UXS1: variants seen among roughly 807,000 people sequenced by gnomAD.
The protein encoded by UXS1 is UDP-glucuronic acid decarboxylase 1.
UXS1 carries 33 observed loss-of-function variants against 62.6 expected under a neutral mutation model. The ratio of observed to expected loss-of-function variants is 0.53; its 90% confidence interval spans 0.40 to 0.70. The LOEUF (loss-of-function observed/expected upper bound fraction) is 0.70. Among genes scored for constraint, UXS1 ranks in the 30% least tolerant of loss-of-function variants. The pLI is 0.00. For missense variants in UXS1, 434 were observed against 556.3 expected (o/e 0.78, Z 2.21); for synonymous variants, 213 against 206.8 (o/e 1.03, Z -0.26).
chr2:106,194,196 T>G lies in UXS1; in HGVS notation c.46A>C (p.Arg16=). The G allele has an allele frequency of 6.8e-7, 1 of 1,469,408 alleles. No individual in the cohort carries two copies. Among genetic ancestry groups the G allele is most frequent in the African/African-American group, 1.5e-5 (1 of 67,768 alleles). 91.0% of individuals were successfully genotyped at this position (1,469,408 alleles called of 1,614,324 possible). The change falls in exon 1 of 15, where the codon AGG becomes CGG. Residue 16 remains arginine, a synonymous_variant. Transcript: ENST00000283148. ...ATGCCCAGCAGCAGCTTCATCCTCC[T>G]GCGGTTGACGGCAGACACGAGGCGC... ...LLRLVSAVNR[R]RMKLLLGIAL...
intron 10 of UXS1, among the ~76,000 whole-genome samples, chr2:106,107,989 C>T (rs556429937): frequency 6.6e-6 from 1 of 152,222 alleles, no homozygotes; most frequent in African/African-American, 2.4e-5. Context: ...AGGCGTGGAT[C>T]CCGTGGGACG....
intron 5 of UXS1, among the ~76,000 whole-genome samples, chr2:106,150,754 G>C (rs1319664953): frequency 6.6e-6 from 1 of 152,190 alleles, no homozygotes; most frequent in Non-Finnish European, 1.5e-5. Flanking sequence ...CTGCCACAAA[G>C]ACTCCGGAAC....
intron 1 of UXS1, among the ~76,000 whole-genome samples, chr2:106,178,056 G>A (rs916226877): frequency 2.6e-5 from 4 of 152,178 alleles, no homozygotes; most frequent in East Asian, 1.9e-4. Context: ...CATCGCAGGC[G>A]CTACTAAATT....
chr2:106,156,167 T>C (rs920492963), intron 5 of UXS1, among the ~76,000 whole-genome samples: 1 of 152,064 alleles, frequency 6.6e-6, no homozygotes, highest in Non-Finnish European at 1.5e-5. Context: ...GAATTAAGAA[T>C]ATATAAAGAA....
intron 9 of UXS1, among the ~76,000 whole-genome samples, chr2:106,113,869 C>G (rs993027760): frequency 6.6e-6 from 1 of 152,216 alleles, no homozygotes; most frequent in Non-Finnish European, 1.5e-5. Flanking sequence ...CTCACCTGAC[C>G]GCCTCAGTGT....
At chr2:106,175,257 T>G (rs1257866317) in intron 1 of UXS1, among the ~76,000 whole-genome samples, 1 of 148,844 alleles carries the variant, frequency 6.7e-6, no homozygotes, top group Non-Finnish European at 1.5e-5. Context: ...AGTTCCAGAA[T>G]GCTGCTGCTG....
rs1470176342 is a variant in UXS1 at position 106,093,917 on chromosome 2, G to A, written c.*109C>T. On this transcript the variant is annotated 3_prime_UTR_variant, in exon 15 of 15. Transcript: ENST00000283148. Reference sequence around the variant, plus strand: ...AAGCTTCAGAATGAAATTCCAGTTTGTTCTTCATGACACCTGTTAAAGTCT... The same window carrying A: ...AAGCTTCAGAATGAAATTCCAGTTTATTCTTCATGACACCTGTTAAAGTCT... The A allele has an allele frequency of 7.3e-7, 1 of 1,371,070 alleles. No homozygotes were observed. The highest frequency in any genetic ancestry group is 9.6e-7 in the Non-Finnish European group (1 of 1,042,444). 84.9% of individuals were successfully genotyped at this position (1,371,070 alleles called of 1,614,324 possible). A position where few individuals can be genotyped will look rare whatever the true frequency, so the allele number is the denominator to read the frequency against.
chr2:106,168,567 C>A (rs565830729), intron 1 of UXS1, among the ~76,000 whole-genome samples: 1 of 152,158 alleles, frequency 6.6e-6, no homozygotes, highest in Non-Finnish European at 1.5e-5. Context: ...GGGTCCGGAT[C>A]GGGACCCCTT....
chr2:106,150,433 G>T (rs564660252), intron 5 of UXS1, among the ~76,000 whole-genome samples: 3 of 152,212 alleles, frequency 2.0e-5, no homozygotes, highest in Non-Finnish European at 4.4e-5. Flanking sequence ...TGAGGCCAAC[G>T]TTTCCAGAGA....
chr2:106,184,127 A>T (rs1273199844), intron 1 of UXS1, among the ~76,000 whole-genome samples: 1 of 152,152 alleles, frequency 6.6e-6, no homozygotes, highest in Non-Finnish European at 1.5e-5. Context: ...GGGAGGCAGA[A>T]GTCACAGTGA....
At chr2:106,164,518 A>G (rs753118965) in intron 3 of UXS1, among the ~76,000 whole-genome samples, 4 of 152,156 alleles carry the variant, frequency 2.6e-5, no homozygotes, top group African/African-American at 4.8e-5. Context: ...GTCTAAATCC[A>G]TTTTGCCTTT....
At chr2:106,174,099 G>A (rs1156926928) in intron 1 of UXS1, among the ~76,000 whole-genome samples, 1 of 151,044 alleles carries the variant, frequency 6.6e-6, no homozygotes, top group South Asian at 2.1e-4. Context: ...TGGGGGGGGC[G>A]GGGGCGGGAT....
intron 10 of UXS1, among the ~76,000 whole-genome samples, chr2:106,111,585 G>C (rs1678613856): frequency 6.6e-6 from 1 of 152,162 alleles, no homozygotes; most frequent in Non-Finnish European, 1.5e-5. Context: ...GGCTACCACT[G>C]TGTGGCCACC....
intron 9 of UXS1, among the ~76,000 whole-genome samples, chr2:106,116,892 C>T (rs911880706): frequency 1.3e-5 from 2 of 152,158 alleles, no homozygotes; most frequent in Non-Finnish European, 2.9e-5. Flanking sequence ...CTGACCTTGC[C>T]CTGCTCACGA....
intron 14 of UXS1, 45 bp downstream of exon 14, chr2:106,096,673 C>G: frequency 6.7e-7 from 1 of 1,500,244 alleles, no homozygotes; most frequent in Non-Finnish European, 9.0e-7. Context: ...ACACAGGACA[C>G]GGGAGGCCCC....
chr2:106,162,777 G>A (rs910231626), intron 4 of UXS1, among the ~76,000 whole-genome samples: 1 of 152,142 alleles, frequency 6.6e-6, no homozygotes, highest in Non-Finnish European at 1.5e-5. Flanking sequence ...CTCAGTTGAG[G>A]ATAAGAATCA....
At chr2:106,139,478 G>C (rs1573489239) in intron 6 of UXS1, among the ~76,000 whole-genome samples, 1 of 152,076 alleles carries the variant, frequency 6.6e-6, no homozygotes, top group Non-Finnish European at 1.5e-5. Flanking sequence ...ACTCCCTAAA[G>C]GGTCTTAGGT....
At chr2:106,152,107 C>T (rs2105019262) in intron 5 of UXS1, among the ~76,000 whole-genome samples, 1 of 152,264 alleles carries the variant, frequency 6.6e-6, no homozygotes, top group Admixed American at 6.5e-5. Context: ...CATAAGTGGT[C>T]CAAATTATTT....
intron 9 of UXS1, among the ~76,000 whole-genome samples, chr2:106,114,012 T>C (rs562741875): frequency 5.9e-5 from 9 of 152,324 alleles, no homozygotes; most frequent in African/African-American, 1.9e-4. Flanking sequence ...AATGAACCCT[T>C]AGCTAACAAG....
Sources: gnomAD v4.1 joint callset for allele counts (sites outside exome capture counted in the v4.1 genomes callset) on GRCh38, gnomAD v4.1.1 for gene constraint, MANE v1.5 for transcripts, NCBI Gene and HGNC (gene_info 2026-07-23, HGNC 2026-07-21) for gene names.